HPSE2: variants seen among roughly 807,000 people sequenced by gnomAD.
HPSE2 encodes inactive heparanase-2.
In HPSE2, 38 loss-of-function variants were observed where a neutral mutation model predicts 60.5. The ratio of observed to expected loss-of-function variants is 0.63; its 90% confidence interval spans 0.48 to 0.82. The LOEUF (loss-of-function observed/expected upper bound fraction) is 0.82. Among genes scored for constraint, HPSE2 ranks in the 40% least tolerant of loss-of-function variants. HPSE2 has a pLI of 0.00. For synonymous variants in HPSE2, 295 were observed against 293.2 expected (o/e 1.01, Z -0.06); for missense variants, 713 against 740.4 (o/e 0.96, Z 0.43).
At chr10:98,557,218 G>GA (rs949615679) in intron 9 of HPSE2, among the ~76,000 whole-genome samples, 16 of 148,708 alleles carry the variant, frequency 1.1e-4, no homozygotes, top group East Asian at 7.9e-4. Flanking sequence ...GTCTCCAAAG[G>GA]AAAAAAAAAA....
chr10:99,022,131 C>T (rs1957277420), intron 3 of HPSE2, among the ~76,000 whole-genome samples: 1 of 149,024 alleles, frequency 6.7e-6, no homozygotes, highest in African/African-American at 2.5e-5. Flanking sequence ...CTGACACCAC[C>T]CCTTCTCTGC....
the HPSE2 span, among the ~76,000 whole-genome samples, chr10:99,301,103 T>C: frequency 6.6e-6 from 1 of 152,240 alleles, no homozygotes; most frequent in Admixed American, 6.5e-5. Context: ...GTGTTAGACT[T>C]AAAGGATGCT....
intron 5 of HPSE2, among the ~76,000 whole-genome samples, chr10:98,698,554 G>A (rs1948301238): frequency 1.3e-5 from 2 of 152,024 alleles, no homozygotes; most frequent in Non-Finnish European, 2.9e-5. Context: ...ATCCAAAATT[G>A]ACACCCTAAC....
chr10:99,294,465 TATATA>T, the HPSE2 span, among the ~76,000 whole-genome samples: 3 of 146,634 alleles, frequency 2.0e-5, no homozygotes, highest in East Asian at 1.9e-4. Context: ...TATATAATAA[TATATA>T]ATATATTTAT....
chr10:99,004,083 C>A (rs1432159459), intron 3 of HPSE2, among the ~76,000 whole-genome samples: 1 of 151,802 alleles, frequency 6.6e-6, no homozygotes, highest in Non-Finnish European at 1.5e-5. Context: ...TGTTTGTTTC[C>A]ATTTGAATGG....
At chr10:98,685,530 T>C (rs533546843) in intron 6 of HPSE2, among the ~76,000 whole-genome samples, 57 of 152,286 alleles carry the variant, frequency 3.7e-4, no homozygotes, top group Non-Finnish European at 7.2e-4. Context: ...TTATAAGGCT[T>C]TTTCACTCAG....
chr10:99,066,601 T>C (rs1842626041), intron 3 of HPSE2, among the ~76,000 whole-genome samples: 1 of 152,126 alleles, frequency 6.6e-6, no homozygotes, highest in Non-Finnish European at 1.5e-5. Context: ...CTCCCATTTA[T>C]AAAACCATTA....
chr10:98,932,395 A>G lies in HPSE2; in HGVS notation c.611-188339T>C, dbSNP rs563932147. Among the ~76,000 whole-genome samples the G allele has an allele frequency of 5.6e-4, 81 of 144,162 alleles. 23 individuals are homozygous for G. The highest frequency in any genetic ancestry group is 2.2e-3 in the African/African-American group (80 of 35,602). The allele number at this position is 144,162 out of a possible 152,430, so 94.6% of individuals were successfully genotyped here. On this transcript the variant is annotated intron_variant, in intron 3 of 11. Coordinates refer to ENST00000370552, the MANE Select transcript of HPSE2 (RefSeq NM_021828.5). The stretch of plus-strand genomic sequence containing the variant: ...CCAGTATTTTATTGAGGATTTTTGC[A>G]CAGATGTTCATCAAGGATATTGGCC...
chr10:99,047,758 G>A, intron 3 of HPSE2: 3 of 853,676 alleles, frequency 3.5e-6, no homozygotes, highest in Non-Finnish European at 6.0e-6. Flanking sequence ...TTGCCCAAAG[G>A]ATGCTTCAAA....
At position 98,580,947 on chromosome 10, in the gene HPSE2, C is replaced by CTTTT. The variant is rs558780857; in HGVS notation, c.1320+33953_1320+33956dup. On this transcript the variant is annotated intron_variant, in intron 9 of 11. Transcript: ENST00000370552. ...TATTTGATAATTATTATTCATCTTTCTTTTTTTTTTTGAGACTGAGTCTTG... is the reference window on the plus strand; with the variant it reads ...TATTTGATAATTATTATTCATCTTTCTTTTTTTTTTTTTTTGAGACTGAGTCTTG... 3.8e-3 allele frequency among the ~76,000 whole-genome samples: 537 copies of CTTTT among 139,496 alleles called. 8 individuals are homozygous for CTTTT. The highest frequency in any genetic ancestry group is 0.014 in the African/African-American group (518 of 37,950). 91.5% of individuals were successfully genotyped at this position (139,496 alleles called of 152,430 possible).
At chr10:99,038,206 C>T (rs938575436) in intron 3 of HPSE2, among the ~76,000 whole-genome samples, 3 of 152,078 alleles carry the variant, frequency 2.0e-5, no homozygotes, top group Non-Finnish European at 2.9e-5. Context: ...ACTATGTCCT[C>T]ACAACAACAT....
At chr10:99,048,602 G>C (rs1026406203) in intron 3 of HPSE2, among the ~76,000 whole-genome samples, 1 of 152,162 alleles carries the variant, frequency 6.6e-6, no homozygotes, top group African/African-American at 2.4e-5. Flanking sequence ...AGGCTGTAGA[G>C]AAAAGGGGGT....
chr10:98,682,708 G>A (rs1947817326), intron 6 of HPSE2, among the ~76,000 whole-genome samples: 1 of 152,164 alleles, frequency 6.6e-6, no homozygotes, highest in South Asian at 2.1e-4. Context: ...AAGTCACAAA[G>A]CTGTGTCAAG....
At chr10:99,129,135 C>G (rs10883276) in intron 3 of HPSE2, among the ~76,000 whole-genome samples, 74,928 of 151,916 alleles carry the variant, frequency 0.49, 20,949 homozygotes, top group East Asian at 0.65. Context: ...AACACTGGAG[C>G]TCCCAAATTT....
rs137951630 is a variant in HPSE2 at position 98,837,017 on chromosome 10, C to T, written c.611-92961G>A. Among the ~76,000 whole-genome samples the T allele has an allele frequency of 8.3e-3, 1,269 of 152,234 alleles. 21 individuals are homozygous for T. The highest frequency in any genetic ancestry group is 0.028 in the African/African-American group (1,175 of 41,522). ...CTGAGACGGTGCCACTGCACTCTAG[C>T]CTGGGCAACAGAGCGAGACTCTGTC... On this transcript the variant is annotated intron_variant, in intron 3 of 11. Coordinates refer to ENST00000370552, the MANE Select transcript of HPSE2 (RefSeq NM_021828.5).
intron 2 of HPSE2, among the ~76,000 whole-genome samples, chr10:99,202,505 T>G (rs1848608305): frequency 6.6e-6 from 1 of 152,176 alleles, no homozygotes; most frequent in African/African-American, 2.4e-5. Context: ...GACAAGTTAT[T>G]TAACCCCTGC....
chr10:98,591,084 T>C (rs1281665307), intron 9 of HPSE2, among the ~76,000 whole-genome samples: 3 of 151,264 alleles, frequency 2.0e-5, no homozygotes, highest in South Asian at 2.1e-4. Context: ...CTATGAGCTA[T>C]ATACATTTAT....
chr10:99,252,662 G>C, the HPSE2 span, among the ~76,000 whole-genome samples: 1 of 152,070 alleles, frequency 6.6e-6, no homozygotes. Context: ...AGATCATGAA[G>C]TCAGGAGATC....
intron 6 of HPSE2, among the ~76,000 whole-genome samples, chr10:98,643,753 T>G (rs1946697036): frequency 6.6e-6 from 1 of 152,162 alleles, no homozygotes. Context: ...AAGCCAGGCA[T>G]GTTGAGACAG....
Sources: gnomAD v4.1 joint callset for allele counts (sites outside exome capture counted in the v4.1 genomes callset) on GRCh38, gnomAD v4.1.1 for gene constraint, MANE v1.5 for transcripts, NCBI Gene and HGNC (gene_info 2026-07-23, HGNC 2026-07-21) for gene names.